Variants in ZBBX observed in about 807,000 individuals in gnomAD.
ZBBX encodes the protein zinc finger B-box domain containing.
In ZBBX, 101 loss-of-function variants were observed where a neutral mutation model predicts 108.5. The observed-to-expected ratio is 0.93, with a 90% confidence interval of 0.79 to 1.10. The LOEUF is 1.10. ZBBX is among the 50% of genes least tolerant of loss of function. The probability of loss-of-function intolerance (pLI) is 0.00; values close to 1 mark genes in which losing one functional copy is unlikely to be tolerated. For synonymous variants in ZBBX, 356 were observed against 323.4 expected (o/e 1.10, Z -1.08); for missense variants, 1,009 against 941.4 (o/e 1.07, Z -0.94).
At chr3:167,241,997 C>T (rs1049944019) in intron 21 of ZBBX, among the ~76,000 whole-genome samples, 2 of 152,128 alleles carry the variant, frequency 1.3e-5, no homozygotes, top group Non-Finnish European at 2.9e-5. Context: ...AACCTACATT[C>T]CTTGTAAGCT....
At chr3:167,267,830 A>G (rs890357484) in intron 20 of ZBBX, among the ~76,000 whole-genome samples, 4 of 152,134 alleles carry the variant, frequency 2.6e-5, no homozygotes, top group African/African-American at 9.7e-5. Context: ...TTCCATGGCT[A>G]AGGACTCCAG....
At chr3:167,178,987 C>T in the ZBBX span, among the ~76,000 whole-genome samples, 5 of 152,016 alleles carry the variant, frequency 3.3e-5, no homozygotes, top group South Asian at 8.3e-4. Flanking sequence ...GTTTAATATT[C>T]CATATAGAGA....
intron 18 of ZBBX, among the ~76,000 whole-genome samples, chr3:167,296,675 G>T (rs1182257381): frequency 2.0e-5 from 3 of 151,852 alleles, no homozygotes. Flanking sequence ...CCAAGGAGGT[G>T]GAAGACTTAT....
At position 167,403,588 on chromosome 3, in the gene ZBBX, T is replaced by C. The variant is rs533884971; in HGVS notation, c.-446+4138A>G. ...CACTTCACTATTTAAAATGAAACAT[T>C]TATATTGTGAGGTTAATAATATATG... On this transcript the variant is annotated intron_variant, in intron 1 of 21. Coordinates refer to the ZBBX transcript ENST00000455345. 2.6e-5 allele frequency among the ~76,000 whole-genome samples: 4 copies of C among 152,228 alleles called. No homozygotes were observed. In the East Asian group the frequency reaches 7.7e-4, roughly 29 times the overall value.
chr3:167,185,438 T>C, the ZBBX span, among the ~76,000 whole-genome samples: 2 of 152,168 alleles, frequency 1.3e-5, no homozygotes, highest in Non-Finnish European at 2.9e-5. Flanking sequence ...TATATTTTGA[T>C]TGTGGTTCCA....
Position 167,240,666 on chromosome 3 carries a change from C to G in ZBBX, c.*127G>C. The G allele has an allele frequency of 8.9e-7, 1 of 1,128,842 alleles. No individual in the cohort carries two copies. Among genetic ancestry groups the G allele is most frequent in the East Asian group, 2.5e-5 (1 of 39,472 alleles). The allele number at this position is 1,128,842 out of a possible 1,614,324, so 69.9% of individuals were successfully genotyped here. ...TAATTTTACTTTTATTAGTTTGTAGCCTTGAAACATCAAAGACATTAGTAA... is the reference window on the plus strand; with the variant it reads ...TAATTTTACTTTTATTAGTTTGTAGGCTTGAAACATCAAAGACATTAGTAA... On this transcript the variant is annotated 3_prime_UTR_variant, in exon 22 of 22. Transcript: ENST00000675490.
chr3:167,298,487 T>C (rs767809028), intron 17 of ZBBX, 29 bp from the exon 18 acceptor site: 8 of 1,424,312 alleles, frequency 5.6e-6, no homozygotes, highest in Non-Finnish European at 6.5e-6. Context: ...AACAATATTA[T>C]TTTCTAACTC....
At chr3:167,209,698 A>C in the ZBBX span, among the ~76,000 whole-genome samples, 1 of 152,212 alleles carries the variant, frequency 6.6e-6, no homozygotes, top group Admixed American at 6.5e-5. Flanking sequence ...ACAAGCATCA[A>C]GACCATCCAG....
chr3:167,210,510 A>G, the ZBBX span, among the ~76,000 whole-genome samples: 3 of 152,218 alleles, frequency 2.0e-5, no homozygotes, highest in African/African-American at 7.2e-5. Context: ...GGATAATAAC[A>G]AAGAACTTTC....
intron 1 of ZBBX, among the ~76,000 whole-genome samples, chr3:167,393,580 C>A (rs1256615582): frequency 6.6e-6 from 1 of 151,844 alleles, no homozygotes; most frequent in East Asian, 1.9e-4. Context: ...TAAATATTTT[C>A]TTCACGTACT....
chr3:167,304,308 T>A (rs182765093), intron 17 of ZBBX, among the ~76,000 whole-genome samples: 2 of 152,288 alleles, frequency 1.3e-5, no homozygotes, highest in Admixed American at 1.3e-4. Flanking sequence ...ATTCCTCACT[T>A]ATTACACAGC....
At chr3:167,355,433 A>G (rs1743392049) in intron 8 of ZBBX, among the ~76,000 whole-genome samples, 1 of 151,980 alleles carries the variant, frequency 6.6e-6, no homozygotes, top group Admixed American at 6.6e-5. Context: ...TGAAGGTCAC[A>G]TAGCTAATAA....
chr3:167,403,639 A>C (rs748091009), intron 1 of ZBBX, among the ~76,000 whole-genome samples: 6 of 152,150 alleles, frequency 3.9e-5, no homozygotes, highest in Non-Finnish European at 8.8e-5. Flanking sequence ...TAAGAGCATT[A>C]AAAAACATGA....
chr3:167,181,286 C>A, the ZBBX span, among the ~76,000 whole-genome samples: 1 of 152,096 alleles, frequency 6.6e-6, no homozygotes, highest in Non-Finnish European at 1.5e-5. Flanking sequence ...GGAATTAGAA[C>A]TTGTGCTCTC....
At chr3:167,203,431 T>C in the ZBBX span, among the ~76,000 whole-genome samples, 5 of 152,122 alleles carry the variant, frequency 3.3e-5, no homozygotes, top group Non-Finnish European at 7.4e-5. Flanking sequence ...GGACATAATG[T>C]AGCCCATAAC....
At chr3:167,236,820 T>C (rs752826149), downstream of ZBBX, among the ~76,000 whole-genome samples, 6 of 151,780 alleles carry the variant, frequency 4.0e-5, no homozygotes, top group Non-Finnish European at 8.8e-5. Context: ...AAGAGGCATA[T>C]CTTCAAAAAT....
chr3:167,311,687 G>C (rs185460415), intron 16 of ZBBX, among the ~76,000 whole-genome samples: 1 of 151,610 alleles, frequency 6.6e-6, no homozygotes, highest in Non-Finnish European at 1.5e-5. Flanking sequence ...AAAGATTCTC[G>C]ATATCATATG....
chr3:167,333,145 G>C (rs192045635), intron 10 of ZBBX, among the ~76,000 whole-genome samples: 1 of 151,842 alleles, frequency 6.6e-6, no homozygotes, highest in South Asian at 2.1e-4. Flanking sequence ...GGTTTGGAAC[G>C]CAACAGATTT....
intron 9 of ZBBX, among the ~76,000 whole-genome samples, chr3:167,346,957 GC>G (rs1420198598): frequency 6.6e-6 from 1 of 151,874 alleles, no homozygotes; most frequent in African/African-American, 2.4e-5. Context: ...CAGAGAATGG[GC>G]AAGACCAGAA....
Sources: allele counts gnomAD v4.1 joint callset (sites outside exome capture counted in the v4.1 genomes callset), GRCh38; gene constraint gnomAD v4.1.1; transcripts MANE v1.5; gene names NCBI Gene and HGNC (gene_info 2026-07-23, HGNC 2026-07-21).